NCOA7: variants seen among roughly 807,000 people sequenced by gnomAD.
NCOA7 encodes 140 kDa estrogen receptor-associated protein.
A neutral mutation model predicts 104.3 loss-of-function variants in NCOA7; 45 were observed. The observed-to-expected ratio is 0.43, with a 90% CI of 0.34 to 0.55. The LOEUF is 0.55. Among genes scored for constraint, NCOA7 ranks in the 20% least tolerant of loss-of-function variants. The pLI is 0.02. For synonymous variants in NCOA7, 398 were observed against 402.3 expected (o/e 0.99, Z 0.13); for missense variants, 1,041 against 1,119.7 (o/e 0.93, Z 1.00).
At chr6:125,824,827 C>T (rs751052884) in intron 2 of NCOA7, among the ~76,000 whole-genome samples, 5 of 152,176 alleles carry the variant, frequency 3.3e-5, no homozygotes, top group African/African-American at 4.8e-5. Flanking sequence ...GGCGTGATCT[C>T]GGCTCACTGC....
intron 1 of NCOA7, among the ~76,000 whole-genome samples, chr6:125,791,447 G>C (rs939667204): frequency 6.6e-6 from 1 of 152,218 alleles, no homozygotes; most frequent in Non-Finnish European, 1.5e-5. Context: ...TAGCAGATGC[G>C]TTCTTCCCAT....
At chr6:125,819,200 T>C (rs1444670352) in intron 2 of NCOA7, among the ~76,000 whole-genome samples, 4 of 152,182 alleles carry the variant, frequency 2.6e-5, no homozygotes, top group Non-Finnish European at 4.4e-5. Flanking sequence ...TGTGTGACTG[T>C]GTTTGATAAA....
chr6:125,790,087 C>T (rs1454180867), upstream of NCOA7, among the ~76,000 whole-genome samples: 1 of 152,196 alleles, frequency 6.6e-6, no homozygotes, highest in Non-Finnish European at 1.5e-5. Context: ...GAGGGCCCAA[C>T]TGCTATGTTC....
intron 2 of NCOA7, among the ~76,000 whole-genome samples, chr6:125,819,684 A>G (rs1451270977): frequency 6.6e-6 from 1 of 152,212 alleles, no homozygotes; most frequent in Non-Finnish European, 1.5e-5. Context: ...TGTACAATTT[A>G]TGCTATCCTC....
At chr6:125,875,883 T>A (rs1783329531) in intron 4 of NCOA7, among the ~76,000 whole-genome samples, 2 of 152,156 alleles carry the variant, frequency 1.3e-5, no homozygotes, top group African/African-American at 4.8e-5. Flanking sequence ...TAGGTGTGTG[T>A]TCATTACTAC....
chr6:125,899,031 A>G (rs1785275738), intron 10 of NCOA7, among the ~76,000 whole-genome samples: 2 of 152,182 alleles, frequency 1.3e-5, no homozygotes, highest in Non-Finnish European at 2.9e-5. Flanking sequence ...CATATATAGT[A>G]TATGTAAATT....
chr6:125,922,828 TA>T lies in NCOA7; in HGVS notation c.2519del (p.Asn840IlefsTer50). 3 of 1,614,066 alleles carry T rather than the reference TA, an allele frequency of 1.9e-6. No individual in the cohort carries two copies. ...PVLLVIKDMD[N>X]QIFGAYATHP... The stretch of plus-strand genomic sequence containing the variant: ...TCCTATTGGTCATCAAAGATATGGA[TA>T]ATCAGGTGAGGCCTGTCCCTCTCAT... On this transcript the variant is annotated frameshift_variant, in exon 13 of 16. Transcript: ENST00000392477. LOFTEE classifies it high-confidence loss of function.
At chr6:125,850,845 T>C (rs1781061454) in intron 2 of NCOA7, among the ~76,000 whole-genome samples, 1 of 152,130 alleles carries the variant, frequency 6.6e-6, no homozygotes, top group Non-Finnish European at 1.5e-5. Context: ...TAGATAAGCC[T>C]CCCAATGTAA....
chr6:125,891,825 C>T (rs115994223), intron 10 of NCOA7, among the ~76,000 whole-genome samples: 1 of 152,166 alleles, frequency 6.6e-6, no homozygotes, highest in African/African-American at 2.4e-5. Context: ...AGACACAAAC[C>T]CACATTAACC....
At chr6:125,877,801 T>C (rs963556703) in intron 4 of NCOA7, among the ~76,000 whole-genome samples, 1 of 152,236 alleles carries the variant, frequency 6.6e-6, no homozygotes, top group Admixed American at 6.5e-5. Flanking sequence ...AGCAGTGTGC[T>C]GAGCCCAGGA....
chr6:125,845,815 GT>G (rs985612327), intron 2 of NCOA7, among the ~76,000 whole-genome samples: 1 of 151,978 alleles, frequency 6.6e-6, no homozygotes, highest in African/African-American at 2.4e-5. Context: ...TTGACCAACC[GT>G]TTTCTCATAC....
chr6:125,918,318 G>T (rs534587540), intron 11 of NCOA7, among the ~76,000 whole-genome samples: 1 of 152,134 alleles, frequency 6.6e-6, no homozygotes, highest in Non-Finnish European at 1.5e-5. Flanking sequence ...ATAAATGTCC[G>T]CTGTCCTGGA....
chr6:125,893,475 A>G (rs1583479254), intron 10 of NCOA7, among the ~76,000 whole-genome samples: 1 of 152,072 alleles, frequency 6.6e-6, no homozygotes, highest in African/African-American at 2.4e-5. Context: ...CTTTATTATT[A>G]TTACTACTAA....
chr6:125,807,093 T>C (rs987034872), intron 1 of NCOA7, among the ~76,000 whole-genome samples: 1 of 152,114 alleles, frequency 6.6e-6, no homozygotes, highest in East Asian at 1.9e-4. Context: ...AGTTCTTCCT[T>C]ATACTGAGCC....
chr6:125,842,366 T>C (rs1331875645), intron 2 of NCOA7, among the ~76,000 whole-genome samples: 2 of 152,190 alleles, frequency 1.3e-5, no homozygotes, highest in Non-Finnish European at 2.9e-5. Flanking sequence ...CTAAAATGTC[T>C]TCAAGAAAAC....
At chr6:125,805,552 A>G (rs1193628930) in intron 1 of NCOA7, among the ~76,000 whole-genome samples, 1 of 152,188 alleles carries the variant, frequency 6.6e-6, no homozygotes, top group Non-Finnish European at 1.5e-5. Context: ...TCTTATGGCT[A>G]TTTGACCTTG....
intron 1 of NCOA7, among the ~76,000 whole-genome samples, chr6:125,793,491 G>A (rs920862857): frequency 1.3e-5 from 2 of 152,134 alleles, no homozygotes; most frequent in Non-Finnish European, 2.9e-5. Context: ...TCTTCTGTGT[G>A]TCCTACAACC....
intron 2 of NCOA7, among the ~76,000 whole-genome samples, chr6:125,836,928 A>T (rs1308558847): frequency 6.6e-6 from 1 of 152,200 alleles, no homozygotes; most frequent in Admixed American, 6.5e-5. Flanking sequence ...CAGGTGACAT[A>T]TTAAGTATGA....
chr6:125,917,875 T>C (rs552882620), intron 11 of NCOA7, among the ~76,000 whole-genome samples: 1 of 152,334 alleles, frequency 6.6e-6, no homozygotes, highest in South Asian at 2.1e-4. Context: ...CCCTCAATCA[T>C]GTATGCCTTG....
Sources: allele counts gnomAD v4.1 joint callset (sites outside exome capture counted in the v4.1 genomes callset), GRCh38; gene constraint gnomAD v4.1.1; transcripts MANE v1.5; gene names NCBI Gene and HGNC (gene_info 2026-07-23, HGNC 2026-07-21).